The following ZFAND6 variants were observed in gnomAD, a reference collection of about 807,000 sequenced individuals.
ZFAND6 encodes the protein AN1-type zinc finger protein 6.
ZFAND6 carries 12 observed loss-of-function variants against 24.5 expected under a neutral mutation model. That is an observed-to-expected ratio of 0.49 (90% CI 0.31 to 0.79). The LOEUF is 0.79. Among genes scored for constraint, ZFAND6 ranks in the 30% least tolerant of loss-of-function variants. ZFAND6 has a pLI of 0.04. For synonymous variants in ZFAND6, 92 were observed against 81.5 expected, an observed-to-expected ratio of 1.13 and a Z score of -0.69; for missense variants, 207 against 245.9, an observed-to-expected ratio of 0.84 and a Z score of 1.06.
At chr15:80,071,684 T>C (rs2036986771) in intron 1 of ZFAND6, among the ~76,000 whole-genome samples, 1 of 151,774 alleles carries the variant, frequency 6.6e-6, no homozygotes, top group Non-Finnish European at 1.5e-5. Context: ...GGAGTATACC[T>C]TTTACTTTAG....
intron 5 of ZFAND6, among the ~76,000 whole-genome samples, chr15:80,128,137 C>T (rs1282503383): frequency 6.6e-6 from 1 of 152,116 alleles, no homozygotes; most frequent in African/African-American, 2.4e-5. Context: ...ACAGGCTAGT[C>T]ATACAGAAAG....
chr15:80,069,986 G>T (rs1196722486), intron 1 of ZFAND6, among the ~76,000 whole-genome samples: 1 of 152,112 alleles, frequency 6.6e-6, no homozygotes, highest in East Asian at 1.9e-4. Flanking sequence ...TTTTGCTAAT[G>T]TCAGGGTGGT....
intron 1 of ZFAND6, among the ~76,000 whole-genome samples, chr15:80,071,054 T>C (rs1326047105): frequency 6.6e-6 from 1 of 152,180 alleles, no homozygotes; most frequent in Non-Finnish European, 1.5e-5. Flanking sequence ...CTCTTTCAAT[T>C]TGTCCACTTA....
chr15:80,065,889 T>C (rs1410032054), intron 1 of ZFAND6, among the ~76,000 whole-genome samples: 2 of 152,148 alleles, frequency 1.3e-5, no homozygotes, highest in Non-Finnish European at 1.5e-5. Flanking sequence ...TTTTATAATA[T>C]TTTATGTTTT....
intron 6 of ZFAND6, among the ~76,000 whole-genome samples, chr15:80,133,186 TTG>T (rs1413768235): frequency 8.6e-6 from 1 of 116,218 alleles, no homozygotes; most frequent in African/African-American, 2.9e-5. Flanking sequence ...TTTTTTTTGT[TTG>T]TTTGTTTTTT....
At chr15:80,067,687 T>C (rs1276412934) in intron 1 of ZFAND6, among the ~76,000 whole-genome samples, 1 of 152,174 alleles carries the variant, frequency 6.6e-6, no homozygotes, top group Non-Finnish European at 1.5e-5. Context: ...GGCGATTGTG[T>C]TGGACAGCAG....
chr15:80,081,013 T>C (rs2037633769), intron 1 of ZFAND6, among the ~76,000 whole-genome samples: 1 of 152,168 alleles, frequency 6.6e-6, no homozygotes. Context: ...GAGATTTGAG[T>C]GGGGACAAAT....
chr15:80,101,700 C>G (rs1472013736), intron 2 of ZFAND6, among the ~76,000 whole-genome samples: 2 of 151,734 alleles, frequency 1.3e-5, no homozygotes, highest in Admixed American at 6.6e-5. Context: ...TCAGATATAA[C>G]TCCACCAAGA....
intron 2 of ZFAND6, among the ~76,000 whole-genome samples, chr15:80,103,950 A>G (rs907048093): frequency 1.6e-4 from 25 of 152,104 alleles, no homozygotes; most frequent in African/African-American, 5.3e-4. Context: ...CTAGGCTCAG[A>G]CGGTTCTCCC....
chr15:80,094,378 G>A (rs2141913364), intron 1 of ZFAND6, among the ~76,000 whole-genome samples: 1 of 152,256 alleles, frequency 6.6e-6, no homozygotes, highest in South Asian at 2.1e-4. Context: ...AACTGCTCAT[G>A]AGAGGGATCT....
intron 2 of ZFAND6, chr15:80,111,306 G>T (rs2039596654): frequency 3.0e-6 from 1 of 335,156 alleles, no homozygotes; most frequent in Non-Finnish European, 6.0e-6. Context: ...GTATCTGCAG[G>T]TATTGGTTCC....
chr15:80,071,073 A>T (rs1259190605), intron 1 of ZFAND6, among the ~76,000 whole-genome samples: 1 of 152,204 alleles, frequency 6.6e-6, no homozygotes, highest in Non-Finnish European at 1.5e-5. Flanking sequence ...TAAAGGGCAT[A>T]ATAGATTATG....
chr15:80,075,607 A>G (rs1224221035), intron 1 of ZFAND6, among the ~76,000 whole-genome samples: 2 of 152,124 alleles, frequency 1.3e-5, no homozygotes, highest in Non-Finnish European at 2.9e-5. Flanking sequence ...CTGTTGTTAG[A>G]TGCCATTCAA....
At chr15:80,117,229 T>G (rs941146887) in intron 2 of ZFAND6, among the ~76,000 whole-genome samples, 1 of 146,236 alleles carries the variant, frequency 6.8e-6, no homozygotes, top group Non-Finnish European at 1.5e-5. Flanking sequence ...TGAATACTCT[T>G]TTTTTTTTTT....
At chr15:80,103,900 G>T (rs1596270675) in intron 2 of ZFAND6, among the ~76,000 whole-genome samples, 1 of 152,140 alleles carries the variant, frequency 6.6e-6, no homozygotes, top group East Asian at 1.9e-4. Flanking sequence ...CTATGCAGGG[G>T]TGTAGTGGTG....
intron 1 of ZFAND6, among the ~76,000 whole-genome samples, chr15:80,070,335 G>A (rs1294072649): frequency 1.3e-5 from 2 of 152,134 alleles, no homozygotes; most frequent in African/African-American, 4.8e-5. Context: ...TGCTTAAAAA[G>A]TGTTGTTACT....
intron 1 of ZFAND6, among the ~76,000 whole-genome samples, chr15:80,088,515 G>A (rs1461811845): frequency 1.3e-5 from 2 of 152,058 alleles, no homozygotes; most frequent in Admixed American, 6.5e-5. Flanking sequence ...GCAGTGAGCC[G>A]AGATTGTGCC....
intron 1 of ZFAND6, among the ~76,000 whole-genome samples, chr15:80,082,201 C>T (rs1196294147): frequency 1.3e-5 from 2 of 152,160 alleles, no homozygotes; most frequent in East Asian, 1.9e-4. Flanking sequence ...ATGAAGGCTT[C>T]TATGCAAATA....
At chr15:80,133,984 T>C (rs2040739118) in intron 6 of ZFAND6, among the ~76,000 whole-genome samples, 1 of 151,340 alleles carries the variant, frequency 6.6e-6, no homozygotes, top group South Asian at 2.1e-4. Context: ...TTTAAAGTTG[T>C]TGGGTTTTTT....
Sources: allele counts gnomAD v4.1 joint callset (sites outside exome capture counted in the v4.1 genomes callset), GRCh38; gene constraint gnomAD v4.1.1; transcripts MANE v1.5; gene names NCBI Gene and HGNC (gene_info 2026-07-23, HGNC 2026-07-21).